The following DNAH12 variants were observed in gnomAD, a reference collection of about 807,000 sequenced individuals.
DNAH12 encodes axonemal beta dynein heavy chain 12.
DNAH12 carries 285 observed loss-of-function variants against 371.5 expected under a neutral mutation model. The ratio of observed to expected loss-of-function variants is 0.77; its 90% CI spans 0.70 to 0.85. The LOEUF is 0.85. Ranked by LOEUF, DNAH12 falls within the 40% of genes least tolerant of loss-of-function variation. The probability of loss-of-function intolerance (pLI) is 0.00; values close to 1 mark genes in which losing one functional copy is unlikely to be tolerated. For synonymous variants in DNAH12, 1,200 were observed against 1,213.0 expected (o/e 0.99, Z 0.22); for missense variants, 3,611 against 3,689.4 (o/e 0.98, Z 0.55).
intron 13 of DNAH12, among the ~76,000 whole-genome samples, chr3:57,478,372 GA>G (rs1015454516): frequency 2.0e-5 from 3 of 152,076 alleles, no homozygotes; most frequent in African/African-American, 7.2e-5. Flanking sequence ...GAAGTTTAGA[GA>G]AAAAAGAATA....
At chr3:57,439,137 A>C (rs1228301324) in intron 29 of DNAH12, among the ~76,000 whole-genome samples, 1 of 152,182 alleles carries the variant, frequency 6.6e-6, no homozygotes, top group East Asian at 1.9e-4. Flanking sequence ...TGCTCAATGC[A>C]ATCTACGGAT....
intron 6 of DNAH12, 76 bp from the exon 7 acceptor site, chr3:57,508,616 T>C (rs1343517635): frequency 6.7e-7 from 1 of 1,491,928 alleles, no homozygotes; most frequent in Non-Finnish European, 8.9e-7. Context: ...GCTTATAACA[T>C]GAAATTAGTA....
chr3:57,519,277 T>C (rs535521094), intron 4 of DNAH12, among the ~76,000 whole-genome samples: 25 of 152,348 alleles, frequency 1.6e-4, no homozygotes, highest in Middle Eastern at 6.8e-3. Flanking sequence ...CATAACATTC[T>C]TTTTTAACTG....
chr3:57,479,298 C>T (rs1234741568), intron 13 of DNAH12, among the ~76,000 whole-genome samples: 1 of 151,894 alleles, frequency 6.6e-6, no homozygotes, highest in African/African-American at 2.4e-5. Flanking sequence ...AGACTTTAAA[C>T]CAACAAAGAT....
rs62252004 is a variant in DNAH12 at position 57,305,489 on chromosome 3, C to T, written c.11190-3550G>A. ...CGCGACTAGCCCTCCCCCTCCTGCC[C>T]AGCAATTTACTCTTAAAAAGGTGGC... On this transcript the variant is annotated intron_variant, in intron 69 of 73. Transcript: ENST00000495027. Among the ~76,000 whole-genome samples, 805 of 152,264 alleles carry T rather than the reference C, an allele frequency of 5.3e-3. 5 individuals are homozygous for T. The highest frequency in any genetic ancestry group is 6.1e-3 in the Non-Finnish European group (416 of 68,032).
intron 70 of DNAH12, among the ~76,000 whole-genome samples, chr3:57,300,686 A>G (rs1382776533): frequency 6.6e-6 from 1 of 152,240 alleles, no homozygotes; most frequent in Admixed American, 6.5e-5. Context: ...CTGTCTCTCT[A>G]CATTCTTACA....
At chr3:57,319,185 C>T (rs1173343179) in intron 65 of DNAH12, among the ~76,000 whole-genome samples, 1 of 152,038 alleles carries the variant, frequency 6.6e-6, no homozygotes, top group Non-Finnish European at 1.5e-5. Context: ...TGTTGGTGTA[C>T]AGAAATGCAA....
intron 8 of DNAH12, 125 bp downstream of exon 8, chr3:57,507,518 A>G (rs1369354336): frequency 1.4e-6 from 1 of 719,292 alleles, no homozygotes; most frequent in Non-Finnish European, 2.0e-6. Context: ...TTATTAAAAT[A>G]AAATTACAGT....
chr3:57,520,039 T>C (rs1559746013), intron 4 of DNAH12: 1 of 681,480 alleles, frequency 1.5e-6, no homozygotes, highest in East Asian at 2.8e-5. Flanking sequence ...ATGGCCGACG[T>C]TGGGTTGGGG....
intron 65 of DNAH12, among the ~76,000 whole-genome samples, chr3:57,315,925 T>A (rs1559547081): frequency 6.6e-6 from 1 of 152,138 alleles, no homozygotes; most frequent in Non-Finnish European, 1.5e-5. Context: ...ATACTTGAGA[T>A]AAGGTGCTGT....
At chr3:57,341,926 C>A (rs1159352164) in intron 60 of DNAH12, among the ~76,000 whole-genome samples, 1 of 152,242 alleles carries the variant, frequency 6.6e-6, no homozygotes, top group Non-Finnish European at 1.5e-5. Context: ...ACACACAGAC[C>A]AGTGGAACAG....
chr3:57,324,419 T>A (rs1170740260), intron 62 of DNAH12, among the ~76,000 whole-genome samples: 11 of 152,220 alleles, frequency 7.2e-5, no homozygotes, highest in Admixed American at 7.2e-4. Context: ...GGCCATGATA[T>A]CTTGATATTT....
rs916347694 is a variant in DNAH12 at position 57,385,126 on chromosome 3, T to C, written c.7684-121A>G. 1.8e-4 allele frequency: 27 copies of C among 152,280 alleles called. No individual in the cohort carries two copies. In the South Asian group the frequency reaches 5.0e-3, roughly 28 times the overall value. The allele number at this position is 152,280 out of a possible 1,614,324, so 9.4% of individuals were successfully genotyped here. ...TCATTTTGAAGGATAGAAGGGTCTA[T>C]AATAAAATGAGGATATACAAATACA... On this transcript the variant is annotated intron_variant, in intron 48 of 73. Transcript: ENST00000495027.
In DNAH12 at chr3:57,483,360, A is replaced by T; in HGVS notation, c.1650+16T>A. 1 of 1,539,908 alleles carries T rather than the reference A, an allele frequency of 6.5e-7. No individual in the cohort carries two copies. ...CAATGAAAACAAACCAAAATATGCAAATTAAAATTCCTTACCTGGATCCTT... is the reference window on the plus strand; with the variant it reads ...CAATGAAAACAAACCAAAATATGCATATTAAAATTCCTTACCTGGATCCTT... On this transcript the variant is annotated intron_variant, in intron 13 of 73. Transcript: ENST00000495027.
At chr3:57,380,752 A>G (rs2063373449) in intron 50 of DNAH12, among the ~76,000 whole-genome samples, 1 of 152,238 alleles carries the variant, frequency 6.6e-6, no homozygotes, top group African/African-American at 2.4e-5. Context: ...GGCGTGAGCC[A>G]CCATGCCCAG....
rs200289891 is a variant in DNAH12 at position 57,295,940 on chromosome 3, AT to A, written c.11625-349del. Among the ~76,000 whole-genome samples the A allele has an allele frequency of 5.5e-3, 844 of 152,324 alleles. 7 individuals are homozygous for A. Among genetic ancestry groups the A allele is most frequent in the Admixed American group, 5.4e-3 (83 of 15,302 alleles). On this transcript the variant is annotated intron_variant, in intron 72 of 73. Coordinates refer to ENST00000495027, the MANE Select transcript of DNAH12 (RefSeq NM_001366028.2). ...TCCTGAGTGAAGCAGGAAATTCAGT[AT>A]TTATTGTAAATATTTATTTATTATC...
At chr3:57,535,425 C>T (rs1436628604) in intron 2 of DNAH12, among the ~76,000 whole-genome samples, 3 of 152,238 alleles carry the variant, frequency 2.0e-5, no homozygotes, top group Admixed American at 1.3e-4. Context: ...TGATGCTTTC[C>T]ATCATGTTAT....
intron 55 of DNAH12, among the ~76,000 whole-genome samples, chr3:57,373,031 AAAAT>A (rs1459277499): frequency 6.6e-6 from 1 of 152,204 alleles, no homozygotes; most frequent in Non-Finnish European, 1.5e-5. Context: ...TATCATTATA[AAAAT>A]AAATAAAATT....
intron 48 of DNAH12, 115 bp downstream of exon 48, chr3:57,385,234 A>T (rs1221577153): frequency 6.6e-6 from 1 of 152,252 alleles, no homozygotes; most frequent in Non-Finnish European, 1.5e-5. Context: ...TAGCCAGTCA[A>T]TGGAAAAGGG....
Sources: allele counts gnomAD v4.1 joint callset (sites outside exome capture counted in the v4.1 genomes callset), GRCh38; gene constraint gnomAD v4.1.1; transcripts MANE v1.5; gene names NCBI Gene and HGNC (gene_info 2026-07-23, HGNC 2026-07-21).